Variants in KAZN observed in about 807,000 individuals in gnomAD.
KAZN encodes kazrin, periplakin interacting protein.
KAZN carries 40 observed loss-of-function variants against 87.4 expected under a neutral mutation model. The observed-to-expected ratio is 0.46, with a 90% CI of 0.36 to 0.60. KAZN has a LOEUF of 0.60. Ranked by LOEUF, KAZN falls within the 20% of genes least tolerant of loss-of-function variation. The probability of loss-of-function intolerance (pLI) is 0.00; values close to 1 mark genes in which losing one functional copy is unlikely to be tolerated. For missense variants in KAZN, 898 were observed against 1,073.9 expected (o/e 0.84, Z 2.29); for synonymous variants, 466 against 458.3 (o/e 1.02, Z -0.22).
chr1:14,157,906 G>A (rs1200616308), intron 1 of KAZN, among the ~76,000 whole-genome samples: 1 of 152,142 alleles, frequency 6.6e-6, no homozygotes, highest in African/African-American at 2.4e-5. Flanking sequence ...AGGGGAAAGA[G>A]CCCTTATAAA....
intron 1 of KAZN, among the ~76,000 whole-genome samples, chr1:14,060,539 T>C (rs727669): frequency 0.053 from 8,068 of 152,176 alleles, 585 homozygotes; most frequent in African/African-American, 0.16. Flanking sequence ...CAAGGGTTTG[T>C]AGAGAGGGAA....
rs543465176 is a variant in KAZN, at chr1:14,281,525, G to A, written c.249+100933G>A. ...ACTCCAAGCTCACTGTTCTAGCTCT[G>A]AATCCTGCCTCATGGTGTCCTGAAG... On this transcript the variant is annotated intron_variant, in intron 2 of 16. Transcript: ENST00000636203. Among the ~76,000 whole-genome samples, 13 of 152,228 alleles carry A rather than the reference G, an allele frequency of 8.5e-5. 1 individual carries two copies. In the South Asian group the frequency reaches 2.7e-3, roughly 32 times the overall value.
intron 1 of KAZN, among the ~76,000 whole-genome samples, chr1:14,892,700 G>A (rs2101174968): frequency 6.6e-6 from 1 of 152,296 alleles, no homozygotes; most frequent in South Asian, 2.1e-4. Context: ...GGGTTCATAG[G>A]GGTGTGTGTT....
At chr1:14,336,689 G>A (rs556280921) in intron 2 of KAZN, among the ~76,000 whole-genome samples, 1 of 152,144 alleles carries the variant, frequency 6.6e-6, no homozygotes, top group African/African-American at 2.4e-5. Context: ...GCTTTGATTT[G>A]CATATCTCTC....
intron 2 of KAZN, among the ~76,000 whole-genome samples, chr1:14,558,732 C>T (rs574962010): frequency 3.3e-5 from 5 of 152,130 alleles, no homozygotes; most frequent in East Asian, 1.9e-4. Flanking sequence ...AGCTTCTTGA[C>T]GGGCTTTGAT....
At chr1:14,638,579 C>CAA (rs60784404) in intron 1 of KAZN, among the ~76,000 whole-genome samples, 7 of 128,744 alleles carry the variant, frequency 5.4e-5, no homozygotes, top group African/African-American at 1.5e-4. Flanking sequence ...AAAAAAAAAA[C>CAA]AAAAAAAAAA....
chr1:14,633,454 G>A (rs1358242759), intron 1 of KAZN, among the ~76,000 whole-genome samples: 1 of 152,128 alleles, frequency 6.6e-6, no homozygotes, highest in Non-Finnish European at 1.5e-5. Context: ...AGAAATGTGT[G>A]GGTGCCTCTA....
At chr1:14,890,220 T>C (rs1654550516) in intron 1 of KAZN, among the ~76,000 whole-genome samples, 1 of 152,238 alleles carries the variant, frequency 6.6e-6, no homozygotes, top group South Asian at 2.1e-4. Flanking sequence ...ATGCTCTGGC[T>C]GGTCAAGGCA....
At chr1:13,961,318 CA>C (rs1184992086) in intron 1 of KAZN, among the ~76,000 whole-genome samples, 1 of 152,200 alleles carries the variant, frequency 6.6e-6, no homozygotes, top group East Asian at 1.9e-4. Flanking sequence ...TACACACACA[CA>C]TGCACATGTA....
At chr1:14,590,120 T>C (rs1052217392) in intron 2 of KAZN, among the ~76,000 whole-genome samples, 5 of 152,010 alleles carry the variant, frequency 3.3e-5, no homozygotes, top group African/African-American at 1.2e-4. Flanking sequence ...CAAGAAAGCA[T>C]CAAAAACAAC....
At chr1:15,053,886 A>G (rs553253623) in intron 4 of KAZN, among the ~76,000 whole-genome samples, 1 of 152,278 alleles carries the variant, frequency 6.6e-6, no homozygotes, top group Non-Finnish European at 1.5e-5. Context: ...ATGGATTTCT[A>G]TTCCCTGGAA....
chr1:14,767,073 G>A (rs1273594270), intron 1 of KAZN, among the ~76,000 whole-genome samples: 1 of 152,164 alleles, frequency 6.6e-6, no homozygotes, highest in Admixed American at 6.5e-5. Context: ...TATGGATCCT[G>A]ATCAGCAGCG....
At chr1:15,107,211 G>T (rs544599) in intron 13 of KAZN, among the ~76,000 whole-genome samples, 1 of 152,154 alleles carries the variant, frequency 6.6e-6, no homozygotes, top group Non-Finnish European at 1.5e-5. Context: ...CAGGCACTTG[G>T]GTGATCCATG....
chr1:14,269,100 C>G (rs1332952428), intron 2 of KAZN, among the ~76,000 whole-genome samples: 2 of 152,230 alleles, frequency 1.3e-5, no homozygotes, highest in Non-Finnish European at 2.9e-5. Flanking sequence ...TTCTCTCTCT[C>G]TCTCTGTCTC....
At chr1:13,972,542 G>T (rs968110824) in intron 1 of KAZN, among the ~76,000 whole-genome samples, 9 of 152,114 alleles carry the variant, frequency 5.9e-5, no homozygotes, top group Admixed American at 5.9e-4. Context: ...CCATGATTGG[G>T]TCTGTATTAT....
intron 2 of KAZN, among the ~76,000 whole-genome samples, chr1:14,321,094 C>G (rs1656019531): frequency 6.6e-6 from 1 of 152,072 alleles, no homozygotes. Flanking sequence ...TCCTGGCAGC[C>G]CCAAGTTGCA....
chr1:14,653,360 C>A (rs1638569412), intron 1 of KAZN, among the ~76,000 whole-genome samples: 1 of 152,152 alleles, frequency 6.6e-6, no homozygotes, highest in South Asian at 2.1e-4. Context: ...GCAAGGGTAG[C>A]AATAAGTGGC....
intron 1 of KAZN, among the ~76,000 whole-genome samples, chr1:14,925,892 A>C (rs1055121871): frequency 3.9e-5 from 6 of 152,200 alleles, no homozygotes; most frequent in Non-Finnish European, 5.9e-5. Context: ...GTTGAGGTAA[A>C]ACAGCATCGA....
At position 14,464,012 on chromosome 1, in the gene KAZN, G is replaced by A. The variant is rs115191304; in HGVS notation, c.250-134971G>A. ...CTTCCGTGAAACCTAAGGAACACTA[G>A]GAAGACCATCTGTCTGGGAATTCTG... On this transcript the variant is annotated intron_variant, in intron 2 of 16. Transcript: ENST00000636203. Among the ~76,000 whole-genome samples the A allele has an allele frequency of 6.3e-3, 964 of 152,314 alleles. 11 individuals are homozygous for A. Among genetic ancestry groups the A allele is most frequent in the African/African-American group, 0.021 (881 of 41,566 alleles).
Sources: allele counts gnomAD v4.1 joint callset (sites outside exome capture counted in the v4.1 genomes callset), GRCh38; gene constraint gnomAD v4.1.1; transcripts MANE v1.5; gene names NCBI Gene and HGNC (gene_info 2026-07-23, HGNC 2026-07-21).